The following SBF2 variants were observed in gnomAD, a reference collection of about 807,000 sequenced individuals.
SBF2 encodes the protein myotubularin-related protein 13.
A neutral mutation model predicts 225.2 loss-of-function variants in SBF2; 112 were observed. The ratio of observed to expected loss-of-function variants is 0.50; its 90% CI spans 0.43 to 0.58. The LOEUF is 0.58. Ranked by LOEUF, SBF2 falls within the 20% of genes least tolerant of loss-of-function variation. SBF2 has a pLI of 0.00. For missense variants in SBF2, 1,996 were observed against 2,206.2 expected, an observed-to-expected ratio of 0.90 and a Z score of 1.91; for synonymous variants, 763 against 773.3, an observed-to-expected ratio of 0.99 and a Z score of 0.22.
chr11:9,907,123 C>A (rs1862178934), intron 16 of SBF2, among the ~76,000 whole-genome samples: 1 of 152,194 alleles, frequency 6.6e-6, no homozygotes. Context: ...ACATTTGCAT[C>A]TTCTACATAA....
At chr11:10,090,847 A>C (rs554071351) in intron 2 of SBF2, among the ~76,000 whole-genome samples, 172 of 151,764 alleles carry the variant, frequency 1.1e-3, no homozygotes, top group Non-Finnish European at 2.0e-3. Flanking sequence ...CTAAGTTCCA[A>C]GCATGAGGCC....
At chr11:10,217,124 A>G (rs1293591867) in intron 1 of SBF2, among the ~76,000 whole-genome samples, 1 of 152,184 alleles carries the variant, frequency 6.6e-6, no homozygotes, top group Non-Finnish European at 1.5e-5. Flanking sequence ...CTAGACTGAC[A>G]ATATTAAATA....
At chr11:9,902,059 G>A (rs576544978) in intron 16 of SBF2, among the ~76,000 whole-genome samples, 79 of 152,236 alleles carry the variant, frequency 5.2e-4, no homozygotes, top group African/African-American at 1.8e-3. Context: ...TTGTGAAATG[G>A]CCCTGCAAAG....
chr11:9,902,690 A>C (rs1280780601), intron 16 of SBF2, among the ~76,000 whole-genome samples: 1 of 152,242 alleles, frequency 6.6e-6, no homozygotes, highest in East Asian at 1.9e-4. Context: ...GCCAAAAAAG[A>C]GATAAATATG....
intron 1 of SBF2, among the ~76,000 whole-genome samples, chr11:10,205,912 T>A (rs1254522210): frequency 2.0e-5 from 3 of 151,812 alleles, no homozygotes; most frequent in African/African-American, 7.3e-5. Context: ...GGCAGACATT[T>A]TGTTTCTATG....
At chr11:10,115,963 G>A (rs911224464) in intron 2 of SBF2, among the ~76,000 whole-genome samples, 6 of 152,042 alleles carry the variant, frequency 3.9e-5, no homozygotes, top group Non-Finnish European at 8.8e-5. Context: ...TCAGGAGATT[G>A]AGACCATCCT....
chr11:9,873,387 A>G (rs1858947134), intron 17 of SBF2, among the ~76,000 whole-genome samples: 1 of 152,184 alleles, frequency 6.6e-6, no homozygotes, highest in Non-Finnish European at 1.5e-5. Flanking sequence ...CAAAGCTAAG[A>G]AGATTATGGT....
At chr11:10,083,408 G>A (rs1951441242) in intron 2 of SBF2, among the ~76,000 whole-genome samples, 1 of 152,116 alleles carries the variant, frequency 6.6e-6, no homozygotes, top group Non-Finnish European at 1.5e-5. Flanking sequence ...GGAATCAAGG[G>A]AGAGCTGAAA....
At chr11:10,039,941 A>G (rs1226661345) in intron 3 of SBF2, among the ~76,000 whole-genome samples, 1 of 152,124 alleles carries the variant, frequency 6.6e-6, no homozygotes, top group East Asian at 1.9e-4. Flanking sequence ...ACAAAAAAAA[A>G]ACCTGAATCC....
intron 33 of SBF2, chr11:9,790,911 T>C (rs1852701449): frequency 7.1e-6 from 3 of 421,750 alleles, no homozygotes; most frequent in Admixed American, 7.8e-5. Context: ...AAAGTTTGCC[T>C]AAGCAGCCAG....
At chr11:10,003,365 CTTTTTTCT>C (rs1344275234) in intron 6 of SBF2, among the ~76,000 whole-genome samples, 4 of 130,756 alleles carry the variant, frequency 3.1e-5, no homozygotes, top group South Asian at 5.4e-4. Context: ...TTTTCTTTTT[CTTTTTTCT>C]TTTTTTTTTT....
intron 2 of SBF2, among the ~76,000 whole-genome samples, chr11:10,061,706 T>C (rs1950452570): frequency 6.6e-6 from 1 of 152,032 alleles, no homozygotes; most frequent in African/African-American, 2.4e-5. Flanking sequence ...CACAAACAAA[T>C]GGAAAAACAT....
intron 1 of SBF2, among the ~76,000 whole-genome samples, chr11:10,199,175 C>T (rs12288654): frequency 0.095 from 14,431 of 152,082 alleles, 931 homozygotes; most frequent in East Asian, 0.28. Flanking sequence ...TCAACTAACC[C>T]AATTTCAATA....
intron 1 of SBF2, among the ~76,000 whole-genome samples, chr11:10,278,713 G>A (rs1458814309): frequency 6.6e-6 from 1 of 151,354 alleles, no homozygotes; most frequent in Admixed American, 6.6e-5. Context: ...AATCGGGGAG[G>A]CAGAGGTTGC....
At chr11:9,923,249 T>G (rs902675752) in intron 16 of SBF2, among the ~76,000 whole-genome samples, 6 of 152,076 alleles carry the variant, frequency 3.9e-5, no homozygotes, top group African/African-American at 1.4e-4. Context: ...CTCTCCCTTG[T>G]TAATTGGACT....
At position 10,127,111 on chromosome 11, in the gene SBF2, T is replaced by TA. The variant is rs556314958; in HGVS notation, c.141+66790dup. Among the ~76,000 whole-genome samples the TA allele has an allele frequency of 3.8e-3, 577 of 152,188 alleles. 4 individuals carry two copies. Among genetic ancestry groups the TA allele is most frequent in the South Asian group, 5.4e-3 (26 of 4,828 alleles). ...ATGATGGAAAAGTTCTGGAGATGAA[T>TA]AGCAACAACAGTTGCACAACAATGT... is the stretch of plus-strand genomic sequence containing the variant. On this transcript the variant is annotated intron_variant, in intron 2 of 39. Transcript: ENST00000256190.
At chr11:9,794,621 C>T (rs1852975815) in intron 33 of SBF2, among the ~76,000 whole-genome samples, 1 of 131,624 alleles carries the variant, frequency 7.6e-6, no homozygotes, top group Non-Finnish European at 1.6e-5. Context: ...GCCAAGATCG[C>T]ACCAATGCAC....
intron 17 of SBF2, among the ~76,000 whole-genome samples, chr11:9,884,340 T>C (rs1393158196): frequency 6.6e-6 from 1 of 152,138 alleles, no homozygotes; most frequent in Non-Finnish European, 1.5e-5. Context: ...GGACCTTTAG[T>C]TTTTGAGTCT....
chr11:10,075,400 T>C (rs1951058282), intron 2 of SBF2, among the ~76,000 whole-genome samples: 2 of 152,312 alleles, frequency 1.3e-5, no homozygotes, highest in Middle Eastern at 3.4e-3. Context: ...ACTACTGCTA[T>C]TGCTATGTAA....
Sources: allele counts gnomAD v4.1 joint callset (sites outside exome capture counted in the v4.1 genomes callset), GRCh38; gene constraint gnomAD v4.1.1; transcripts MANE v1.5; gene names NCBI Gene and HGNC (gene_info 2026-07-23, HGNC 2026-07-21).